Variants in FAM107B observed in about 807,000 individuals in gnomAD.
FAM107B encodes family with sequence similarity 107 member B.
A neutral mutation model predicts 31.5 loss-of-function variants in FAM107B; 21 were observed. The ratio of observed to expected loss-of-function variants is 0.67; its 90% confidence interval spans 0.47 to 0.96. The LOEUF (loss-of-function observed/expected upper bound fraction) is 0.96. Ranked by LOEUF, FAM107B falls within the 40% of genes least tolerant of loss-of-function variation. The pLI is 0.00. For missense variants in FAM107B, 452 were observed against 377.1 expected (o/e 1.20, Z -1.64); for synonymous variants, 157 against 141.5 (o/e 1.11, Z -0.78).
intron 3 of FAM107B, among the ~76,000 whole-genome samples, chr10:14,525,123 G>A (rs1014760119): frequency 6.6e-6 from 1 of 152,196 alleles, no homozygotes; most frequent in Non-Finnish European, 1.5e-5. Context: ...CATTGCCCAT[G>A]TAAGTCTCTA....
At chr10:14,734,490 T>TTTTTTTTTTTTTTTTG (rs2131563866) in intron 1 of FAM107B, among the ~76,000 whole-genome samples, 1 of 122,658 alleles carries the variant, frequency 8.2e-6, no homozygotes, top group Non-Finnish European at 1.6e-5. Context: ...TTTGTGAGGT[T>TTTTTTTTTTTTTTTTG]TTTTTTTTTT....
intron 2 of FAM107B, among the ~76,000 whole-genome samples, chr10:14,554,466 C>T (rs749688720): frequency 3.9e-5 from 6 of 152,080 alleles, no homozygotes; most frequent in Non-Finnish European, 7.3e-5. Flanking sequence ...ACTTATTTAC[C>T]CAACAAGGTC....
At chr10:14,586,431 T>C (rs1375582671) in intron 2 of FAM107B, among the ~76,000 whole-genome samples, 2 of 152,194 alleles carry the variant, frequency 1.3e-5, no homozygotes, top group African/African-American at 2.4e-5. Context: ...TCCTCCACCA[T>C]AAATTCATAT....
rs1852514077 is a variant in FAM107B at position 14,604,300 on chromosome 10, C to T, written c.469+63334G>A. The T allele has an allele frequency of 7.2e-6, 7 of 977,088 alleles. No homozygotes were observed. In the South Asian group the frequency reaches 3.2e-4, roughly 45 times the overall value. 60.5% of individuals were successfully genotyped at this position (977,088 alleles called of 1,614,324 possible). A position where few individuals can be genotyped will look rare whatever the true frequency, so the allele number is the denominator to read the frequency against. ...AGCTCGCTCCCGGCGCCCGCGGCGG[C>T]GCCCAGCGGCCCGACTGCTCGGCGG... is the stretch of plus-strand genomic sequence containing the variant. On this transcript the variant is annotated intron_variant, in intron 2 of 4. Coordinates refer to ENST00000181796, the MANE Select transcript of FAM107B (RefSeq NM_031453.4).
chr10:14,558,257 G>GCACTCACATACGTGCACGCA (rs374800207), intron 2 of FAM107B, among the ~76,000 whole-genome samples: 74 of 152,108 alleles, frequency 4.9e-4, no homozygotes, highest in African/African-American at 1.7e-3. Flanking sequence ...ACGTGCACGC[G>GCACTCACATACGTGCACGCA]CACAGTCACA....
At chr10:14,547,743 A>G (rs1209100162) in intron 2 of FAM107B, among the ~76,000 whole-genome samples, 1 of 152,214 alleles carries the variant, frequency 6.6e-6, no homozygotes, top group African/African-American at 2.4e-5. Context: ...TTCACTCTTA[A>G]AAAGAAAAAA....
At chr10:14,542,269 C>T (rs1183604222) in intron 2 of FAM107B, among the ~76,000 whole-genome samples, 1 of 55,966 alleles carries the variant, frequency 1.8e-5, no homozygotes, top group Non-Finnish European at 3.7e-5. Context: ...GACTCCATCT[C>T]AAAAAAAAAA....
chr10:14,654,136 G>T (rs1206159470), intron 2 of FAM107B, among the ~76,000 whole-genome samples: 1 of 148,070 alleles, frequency 6.8e-6, no homozygotes. Flanking sequence ...GCTTAGGAAT[G>T]CAGGCCTGGT....
At chr10:14,748,894 G>A (rs1832775986) in intron 1 of FAM107B, among the ~76,000 whole-genome samples, 1 of 152,228 alleles carries the variant, frequency 6.6e-6, no homozygotes. Context: ...CTCAAGGCCT[G>A]AGCAACCCCC....
chr10:14,537,240 C>A (rs1266963341), intron 2 of FAM107B, among the ~76,000 whole-genome samples: 2 of 152,198 alleles, frequency 1.3e-5, no homozygotes, highest in Non-Finnish European at 2.9e-5. Context: ...AAGCAGCTGG[C>A]CATTCTGAGA....
chr10:14,679,766 G>A (rs1028694332), intron 1 of FAM107B, among the ~76,000 whole-genome samples: 3 of 152,198 alleles, frequency 2.0e-5, no homozygotes, highest in Non-Finnish European at 2.9e-5. Context: ...ACAGTGGACT[G>A]GGAAAGGCAG....
intron 1 of FAM107B, among the ~76,000 whole-genome samples, chr10:14,750,580 C>T (rs1000533401): frequency 1.3e-5 from 2 of 152,126 alleles, no homozygotes; most frequent in African/African-American, 4.8e-5. Context: ...CCACTGCACT[C>T]CAGCCTGGGC....
At chr10:14,739,239 T>C (rs1261414467) in intron 1 of FAM107B, among the ~76,000 whole-genome samples, 5 of 152,108 alleles carry the variant, frequency 3.3e-5, no homozygotes, top group Non-Finnish European at 4.4e-5. Context: ...CCTCCATCGC[T>C]CCATGACGGG....
chr10:14,580,359 C>CAA (rs397731792), intron 2 of FAM107B, among the ~76,000 whole-genome samples: 58 of 148,748 alleles, frequency 3.9e-4, no homozygotes, highest in South Asian at 1.1e-3. Context: ...GACTCCGTGC[C>CAA]AAAAAAAAAA....
intron 1 of FAM107B, among the ~76,000 whole-genome samples, chr10:14,771,231 C>T (rs1002752880): frequency 3.9e-5 from 6 of 152,174 alleles, no homozygotes; most frequent in Non-Finnish European, 8.8e-5. Flanking sequence ...AGCGGCAAAG[C>T]TTTGTCACTC....
intron 1 of FAM107B, among the ~76,000 whole-genome samples, chr10:14,732,987 A>T (rs1176658417): frequency 1.4e-5 from 2 of 146,812 alleles, no homozygotes; most frequent in Non-Finnish European, 3.0e-5. Context: ...AGAATACAAT[A>T]TATCTAATAA....
chr10:14,611,740 T>C (rs1311873008), intron 2 of FAM107B, among the ~76,000 whole-genome samples: 2 of 151,732 alleles, frequency 1.3e-5, no homozygotes, highest in Middle Eastern at 6.9e-3. Context: ...CCTCCCAAAA[T>C]CAAAATCAAG....
rs576645521 is a variant in FAM107B at position 14,584,296 on chromosome 10, C to T, written c.470-53781G>A. ...TGAGGATGCCAAGGGTCCCTGTCCT[C>T]AGAGTTGCCAACCAGATATGGAAAA... On this transcript the variant is annotated intron_variant, in intron 2 of 4. Coordinates refer to ENST00000181796, the MANE Select transcript of FAM107B (RefSeq NM_031453.4). Among the ~76,000 whole-genome samples, 455 of 152,274 alleles carry T rather than the reference C, an allele frequency of 3.0e-3. 3 individuals carry two copies. Among genetic ancestry groups the T allele is most frequent in the African/African-American group, 0.011 (437 of 41,556 alleles).
At chr10:14,749,343 C>T (rs1024920193) in intron 1 of FAM107B, among the ~76,000 whole-genome samples, 4 of 152,130 alleles carry the variant, frequency 2.6e-5, no homozygotes, top group Non-Finnish European at 5.9e-5. Context: ...CTGTGCCCTC[C>T]GTGTGACCTA....
Sources: allele counts gnomAD v4.1 joint callset (sites outside exome capture counted in the v4.1 genomes callset), GRCh38; gene constraint gnomAD v4.1.1; transcripts MANE v1.5; gene names NCBI Gene and HGNC (gene_info 2026-07-23, HGNC 2026-07-21).